VAV3: variants seen among roughly 807,000 people sequenced by gnomAD.
VAV3 encodes guanine nucleotide exchange factor VAV3.
VAV3 carries 94 observed loss-of-function variants against 131.2 expected under a neutral mutation model. That is an observed-to-expected ratio of 0.72 (90% CI 0.61 to 0.85). The LOEUF is 0.85. VAV3 is among the 40% of genes least tolerant of loss of function. VAV3 has a pLI of 0.00. For synonymous variants in VAV3, 349 were observed against 342.0 expected (o/e 1.02, Z -0.22); for missense variants, 939 against 1,002.7 (o/e 0.94, Z 0.86).
chr1:107,625,201 A>C (rs1328253003), intron 20 of VAV3, among the ~76,000 whole-genome samples: 1 of 152,114 alleles, frequency 6.6e-6, no homozygotes, highest in Non-Finnish European at 1.5e-5. Flanking sequence ...TTGGCCAAAA[A>C]ACATTTGATC....
intron 19 of VAV3, among the ~76,000 whole-genome samples, chr1:107,655,853 C>G (rs562276997): frequency 3.9e-5 from 6 of 152,184 alleles, no homozygotes; most frequent in Non-Finnish European, 7.4e-5. Context: ...GAAAAATTCT[C>G]AATATCAATA....
chr1:107,648,593 T>C (rs760380408), intron 19 of VAV3, among the ~76,000 whole-genome samples: 1 of 152,068 alleles, frequency 6.6e-6, no homozygotes, highest in African/African-American at 2.4e-5. Context: ...TTCAGAAGCA[T>C]AGCCCTGAGC....
chr1:107,837,039 C>T (rs1211258085), intron 2 of VAV3, among the ~76,000 whole-genome samples: 1 of 152,072 alleles, frequency 6.6e-6, no homozygotes, highest in East Asian at 1.9e-4. Flanking sequence ...AAGGACTCCT[C>T]CCTAACTGAC....
At chr1:107,963,448 C>G (rs1675238944) in intron 1 of VAV3, 1 of 152,212 alleles carries the variant, frequency 6.6e-6, no homozygotes. Context: ...GCTCTCCCCA[C>G]TTCCATGCCT....
intron 2 of VAV3, among the ~76,000 whole-genome samples, chr1:107,848,312 C>CAAAAAA (rs34249858): frequency 1.1e-5 from 1 of 92,172 alleles, no homozygotes; most frequent in Non-Finnish European, 2.1e-5. Context: ...GACTCCGTCT[C>CAAAAAA]AAAAAAAAAA....
At chr1:107,894,498 A>G (rs1003431713) in intron 1 of VAV3, among the ~76,000 whole-genome samples, 5 of 152,250 alleles carry the variant, frequency 3.3e-5, no homozygotes, top group African/African-American at 1.2e-4. Flanking sequence ...TATAAATCTC[A>G]TTAGACAAGA....
chr1:107,629,558 C>T (rs1425420414), intron 20 of VAV3, among the ~76,000 whole-genome samples: 4 of 152,110 alleles, frequency 2.6e-5, no homozygotes, highest in African/African-American at 9.7e-5. Context: ...TGGCCAATTT[C>T]CTATTTTATA....
chr1:107,690,877 C>T (rs547817177), intron 17 of VAV3, among the ~76,000 whole-genome samples: 54 of 152,268 alleles, frequency 3.5e-4, no homozygotes, highest in African/African-American at 1.1e-3. Context: ...TTCATGGATA[C>T]GGCATAGAGC....
chr1:107,734,798 C>T (rs1022427352), intron 15 of VAV3, among the ~76,000 whole-genome samples: 15 of 152,102 alleles, frequency 9.9e-5, no homozygotes, highest in Non-Finnish European at 1.8e-4. Flanking sequence ...GACAGATCAA[C>T]GAAACAGAAG....
chr1:107,868,963 C>G (rs1020436327), intron 2 of VAV3, among the ~76,000 whole-genome samples: 1 of 152,168 alleles, frequency 6.6e-6, no homozygotes, highest in Non-Finnish European at 1.5e-5. Context: ...TCACTAGGTT[C>G]ATCTTCAACT....
intron 26 of VAV3, among the ~76,000 whole-genome samples, 194 bp from the exon 27 acceptor site, chr1:107,573,566 AAC>A (rs1332975314): frequency 4.6e-5 from 7 of 152,226 alleles, no homozygotes. Context: ...GAATAAAATA[AAC>A]AGTGTTCTAA....
intron 17 of VAV3, among the ~76,000 whole-genome samples, chr1:107,694,230 G>C (rs573348830): frequency 4.6e-5 from 7 of 152,304 alleles, no homozygotes; most frequent in Non-Finnish European, 8.8e-5. Context: ...TCAAGGTACG[G>C]TTAATGATTG....
intron 20 of VAV3, among the ~76,000 whole-genome samples, chr1:107,631,950 A>G (rs6679036): frequency 0.38 from 57,950 of 151,620 alleles, 11,547 homozygotes; most frequent in East Asian, 0.48. Context: ...GTGTGCATGT[A>G]CCTTTATAGC....
chr1:107,740,081 G>C (rs1185483026), intron 15 of VAV3, among the ~76,000 whole-genome samples: 1 of 152,218 alleles, frequency 6.6e-6, no homozygotes, highest in African/African-American at 2.4e-5. Flanking sequence ...GAGGTCAGAA[G>C]TTTGAGACCA....
chr1:107,935,473 T>C (rs1673661238), intron 1 of VAV3, among the ~76,000 whole-genome samples: 1 of 152,150 alleles, frequency 6.6e-6, no homozygotes, highest in Non-Finnish European at 1.5e-5. Context: ...CACTGAAATG[T>C]TCAGTGGTTG....
At chr1:107,840,163 G>A (rs1007241809) in intron 2 of VAV3, among the ~76,000 whole-genome samples, 12 of 152,114 alleles carry the variant, frequency 7.9e-5, no homozygotes, top group Non-Finnish European at 1.5e-4. Context: ...ACTTGTAAAT[G>A]TTTTGCTGTT....
rs958713256 is a variant in VAV3, at chr1:107,959,415, T to G, written c.204+5251A>C. On this transcript the variant is annotated intron_variant, in intron 1 of 26. Coordinates refer to ENST00000370056, the MANE Select transcript of VAV3 (RefSeq NM_006113.5). ...GTCTCAACCCTCTCCTACTATCAGG[T>G]GTTTGCCCACCACATCACCAAATCT... Among the ~76,000 whole-genome samples, 10 of 152,160 alleles carry G rather than the reference T, an allele frequency of 6.6e-5. 1 individual carries two copies. Among genetic ancestry groups the G allele is most frequent in the Admixed American group, 6.5e-4 (10 of 15,272 alleles).
intron 2 of VAV3, among the ~76,000 whole-genome samples, chr1:107,816,142 G>A (rs1667550875): frequency 6.6e-6 from 1 of 152,120 alleles, no homozygotes; most frequent in African/African-American, 2.4e-5. Flanking sequence ...ACTTGTCTGT[G>A]GCCCAGGGGT....
chr1:107,764,993 T>A lies in VAV3; in HGVS notation c.921+83A>T, dbSNP rs1664656074. On this transcript the variant is annotated intron_variant, in intron 9 of 26. Coordinates refer to ENST00000370056, the MANE Select transcript of VAV3 (RefSeq NM_006113.5). ...ATTATATTTAAAATAATGGGAAATG[T>A]ACTGCTTCACTGATCATAAAGAGGA... 4.9e-6 allele frequency: 4 copies of A among 817,622 alleles called. No individual in the cohort carries two copies. In the East Asian group the frequency reaches 1.0e-4, roughly 21 times the overall value. The allele number at this position is 817,622 out of a possible 1,614,324, so 50.6% of individuals were successfully genotyped here.
Sources: allele counts gnomAD v4.1 joint callset (sites outside exome capture counted in the v4.1 genomes callset), GRCh38; gene constraint gnomAD v4.1.1; transcripts MANE v1.5; gene names NCBI Gene and HGNC (gene_info 2026-07-23, HGNC 2026-07-21).